The following CCND3 variants were observed in gnomAD, a reference collection of about 807,000 sequenced individuals.
The protein encoded by CCND3 is G1/S-specific cyclin-D3.
Under a neutral mutation model 28.7 loss-of-function variants are expected in CCND3, and 9 were observed. The ratio of observed to expected loss-of-function variants is 0.31; its 90% CI spans 0.19 to 0.55. CCND3 has a LOEUF of 0.55. Among genes scored for constraint, CCND3 ranks in the 20% least tolerant of loss-of-function variants. The pLI is 0.93. For missense variants in CCND3, 315 were observed against 385.8 expected (o/e 0.82, Z 1.54); for synonymous variants, 164 against 163.9 (o/e 1.00, Z 0.00).
chr6:41,959,720 C>T lies in CCND3; in HGVS notation c.-45-19135G>A, dbSNP rs540622090. 5.0e-4 allele frequency among the ~76,000 whole-genome samples: 76 copies of T among 150,612 alleles called. 1 individual carries two copies. Among genetic ancestry groups the T allele is most frequent in the Non-Finnish European group, 8.3e-4 (56 of 67,824 alleles). On this transcript the variant is annotated intron_variant, in intron 1 of 4. Transcript: ENST00000372988. ...CGGTGGCTCACACCTGTAGTCCCAG[C>T]GCTTTGGGAGCCTGACCACGAGGTC...
chr6:41,995,953 A>G (rs191477592), intron 1 of CCND3, among the ~76,000 whole-genome samples: 77 of 151,464 alleles, frequency 5.1e-4, no homozygotes, highest in African/African-American at 1.7e-3. Context: ...AAATTTTTTT[A>G]AAATACATAA....
At chr6:42,036,403 A>ATATATATATATTTT (rs57619585) in intron 1 of CCND3, among the ~76,000 whole-genome samples, 1 of 31,312 alleles carries the variant, frequency 3.2e-5, no homozygotes, top group African/African-American at 1.4e-4. Context: ...ATATATATAT[A>ATATATATATATTTT]TTTTTTTTTT....
At chr6:42,037,025 G>A (rs1279314615) in intron 1 of CCND3, among the ~76,000 whole-genome samples, 4 of 152,190 alleles carry the variant, frequency 2.6e-5, no homozygotes, top group South Asian at 2.1e-4. Flanking sequence ...TGCAAGCTCC[G>A]CCTCTCGGGT....
chr6:41,937,189 T>A (rs1464795601), intron 3 of CCND3, 46 bp downstream of exon 3: 2 of 1,601,038 alleles, frequency 1.2e-6, no homozygotes, highest in Admixed American at 3.3e-5. Flanking sequence ...CCCTTATAAG[T>A]CTTCTGATTT....
At chr6:41,940,279 G>C in intron 2 of CCND3, 91 bp downstream of exon 2, 1 of 1,160,382 alleles carries the variant, frequency 8.6e-7, no homozygotes, top group Non-Finnish European at 1.3e-6. Flanking sequence ...TCCTCTCCAG[G>C]GGGCAGAAAG....
At chr6:41,995,283 A>G (rs1411383907) in intron 1 of CCND3, among the ~76,000 whole-genome samples, 1 of 151,838 alleles carries the variant, frequency 6.6e-6, no homozygotes, top group Non-Finnish European at 1.5e-5. Flanking sequence ...GGTGGGGTGC[A>G]GTCTTGCTCT....
At chr6:42,002,395 G>A (rs971693901) in intron 1 of CCND3, among the ~76,000 whole-genome samples, 1 of 148,974 alleles carries the variant, frequency 6.7e-6, no homozygotes, top group African/African-American at 2.5e-5. Context: ...AGCCCAGATT[G>A]TGCCACTGCA....
At chr6:42,021,590 C>G (rs1190134172) in intron 1 of CCND3, among the ~76,000 whole-genome samples, 3 of 152,160 alleles carry the variant, frequency 2.0e-5, no homozygotes, top group Admixed American at 1.3e-4. Context: ...CTAGGAAACA[C>G]CACCCAGGAG....
chr6:41,958,933 A>G (rs1761617862), intron 1 of CCND3, among the ~76,000 whole-genome samples: 1 of 152,238 alleles, frequency 6.6e-6, no homozygotes, highest in Non-Finnish European at 1.5e-5. Context: ...AATGTTCAAT[A>G]GAGTTACCAC....
At chr6:42,015,147 T>C (rs1763461020) in intron 1 of CCND3, among the ~76,000 whole-genome samples, 1 of 152,180 alleles carries the variant, frequency 6.6e-6, no homozygotes, top group African/African-American at 2.4e-5. Flanking sequence ...TAAAAGAACT[T>C]GCTCAAGGTC....
At position 41,941,179 on chromosome 6, in the gene CCND3, G is replaced by C; in HGVS notation, c.198+273C>G. 1.4e-6 allele frequency: 2 copies of C among 1,448,234 alleles called. No individual in the cohort carries two copies. The highest frequency in any genetic ancestry group is 1.8e-6 in the Non-Finnish European group (2 of 1,106,014). 89.7% of individuals were successfully genotyped at this position (1,448,234 alleles called of 1,614,324 possible). A position where few individuals can be genotyped will look rare whatever the true frequency, so the allele number is the denominator to read the frequency against. On this transcript the variant is annotated intron_variant, in intron 1 of 4. Coordinates refer to ENST00000372991, the MANE Select transcript of CCND3 (RefSeq NM_001760.5). The surrounding 1 kb of genome is among the most constrained non-coding windows in gnomAD (Gnocchi z 6.1). ...GGGAGACGCTGTGAGAAGCCGAAGG[G>C]GAGAGAGTGTCCTTGGTCCCGTTTG...
At chr6:41,988,843 C>A (rs938050528) in intron 1 of CCND3, among the ~76,000 whole-genome samples, 46 of 151,124 alleles carry the variant, frequency 3.0e-4, no homozygotes, top group Non-Finnish European at 5.0e-4. Context: ...GGACTACAGG[C>A]GCCTGCCACC....
chr6:41,959,419 G>A (rs550306534), intron 1 of CCND3, among the ~76,000 whole-genome samples: 1,684 of 148,816 alleles, frequency 0.011, 29 homozygotes, highest in African/African-American at 0.037. Context: ...AGTGGCTCAC[G>A]CCTGTGAGCC....
intron 1 of CCND3, among the ~76,000 whole-genome samples, chr6:41,996,503 A>G (rs1159869456): frequency 6.6e-6 from 1 of 152,014 alleles, no homozygotes; most frequent in Non-Finnish European, 1.5e-5. Context: ...TAAGGCCACC[A>G]TCAGCCTTTC....
At chr6:41,980,516 GA>G (rs1225733154) in intron 1 of CCND3, among the ~76,000 whole-genome samples, 1 of 2,912 alleles carries the variant, frequency 3.4e-4, no homozygotes, top group Non-Finnish European at 0.011. Context: ...AGAGGCAGAG[GA>G]AATCCTTAAC....
chr6:42,010,501 T>C (rs752843143), intron 1 of CCND3, among the ~76,000 whole-genome samples: 37 of 152,224 alleles, frequency 2.4e-4, no homozygotes, highest in Non-Finnish European at 4.0e-4. Flanking sequence ...CCTGCACCTG[T>C]TCAGCTGAGG....
chr6:41,973,985 C>A (rs6899324), intron 1 of CCND3, among the ~76,000 whole-genome samples: 85,535 of 152,076 alleles, frequency 0.56, 24,250 homozygotes, highest in Admixed American at 0.64. Flanking sequence ...GACTTCGAGA[C>A]CATCCTGGCC....
intron 1 of CCND3, among the ~76,000 whole-genome samples, chr6:41,951,672 G>C (rs1388759824): frequency 6.6e-6 from 1 of 151,850 alleles, no homozygotes. Context: ...TATGTCCCCA[G>C]TGTGGCACAA....
Position 42,047,527 on chromosome 6 carries a change from G to A in CCND3, c.-46+974C>T, listed in dbSNP as rs529878520. 7.2e-5 allele frequency among the ~76,000 whole-genome samples: 11 copies of A among 152,278 alleles called. No homozygotes were observed. The East Asian group carries it at 1.9e-3, about 27-fold the overall frequency. ...AACAGTCTCAGAGTCCAGGGATGAG[G>A]AGGGGGTGCCCAGGATTGTGTGGAC... On this transcript the variant is annotated intron_variant, in intron 1 of 4. Transcript: ENST00000372988.
Sources: gnomAD v4.1 joint callset for allele counts (sites outside exome capture counted in the v4.1 genomes callset) on GRCh38, gnomAD v4.1.1 for gene constraint, Gnocchi (gnomAD v3.1) non-coding constraint, MANE v1.5 for transcripts, NCBI Gene and HGNC (gene_info 2026-07-23, HGNC 2026-07-21) for gene names.